Variants in TJP1 observed in about 807,000 individuals in gnomAD.
TJP1 encodes the protein tight junction protein ZO-1.
TJP1 carries 43 observed loss-of-function variants against 194.2 expected under a neutral mutation model. That is an observed-to-expected ratio of 0.22 (90% CI 0.17 to 0.29). TJP1 has a LOEUF of 0.29. Ranked by LOEUF, TJP1 falls within the 10% of genes least tolerant of loss-of-function variation. TJP1 has a pLI of 1.00. For synonymous variants in TJP1, 801 were observed against 779.0 expected (o/e 1.03, Z -0.47); for missense variants, 1,971 against 2,185.7 (o/e 0.90, Z 1.96).
intron 2 of TJP1, among the ~76,000 whole-genome samples, chr15:29,839,008 T>A (rs2152062589): frequency 7.2e-6 from 1 of 138,558 alleles, no homozygotes; most frequent in South Asian, 2.5e-4. Context: ...TTTTTTTTTT[T>A]TTTTTTTTGA....
chr15:29,850,248 C>G (rs2051588916), intron 2 of TJP1, among the ~76,000 whole-genome samples: 1 of 152,192 alleles, frequency 6.6e-6, no homozygotes, highest in Non-Finnish European at 1.5e-5. Context: ...TGAACCAGAA[C>G]CCCCTCAACT....
At chr15:29,812,031 T>C (rs1327302603) in intron 1 of TJP1, among the ~76,000 whole-genome samples, 2 of 152,374 alleles carry the variant, frequency 1.3e-5, no homozygotes, top group East Asian at 1.9e-4. Context: ...TAGCTTAGTA[T>C]GTGCTGAGCC....
upstream of TJP1, among the ~76,000 whole-genome samples, chr15:29,824,528 G>GT (rs2050620766): frequency 6.6e-6 from 1 of 151,586 alleles, no homozygotes; most frequent in African/African-American, 2.4e-5. Context: ...GAGGCCAGGA[G>GT]TTTGAGACCA....
chr15:29,844,736 A>G (rs2051347390), intron 2 of TJP1, among the ~76,000 whole-genome samples: 1 of 152,218 alleles, frequency 6.6e-6, no homozygotes, highest in Non-Finnish European at 1.5e-5. Context: ...TGTATTACAT[A>G]TCCACCTAGA....
In TJP1 at chr15:29,720,707, G is replaced by T. The variant is rs768807966; in HGVS notation, c.2414C>A (p.Ala805Glu). The T allele has an allele frequency of 1.3e-5, 20 of 1,579,802 alleles. No homozygotes were observed. Among genetic ancestry groups the T allele is most frequent in the African/African-American group, 2.7e-5 (2 of 73,420 alleles). The change falls in exon 19 of 28, where the codon GCG (alanine) becomes GAG (glutamate). Residue 805 changes from alanine to glutamate, a missense_variant and splice_region_variant. Ala to Glu is a moderately radical substitution (Grantham distance 107). This residue lies in a region of TJP1 where 402 missense variants were observed against 484.2 expected (regional missense o/e 0.83). Transcript: ENST00000614355. Reference protein sequence around the residue: ...NQLVWVSEGKADGATSDDLDL... With the variant: ...NQLVWVSEGKEDGATSDDLDL... Reference sequence around the variant, plus strand: ...AAGGTCATCACTTGTAGCACCATCCGCCTGGGTCAAATAAAAGTAAATTAC... The same window carrying T: ...AAGGTCATCACTTGTAGCACCATCCTCCTGGGTCAAATAAAAGTAAATTAC...
intron 1 of TJP1, among the ~76,000 whole-genome samples, chr15:29,958,994 T>TTG (rs369522221): frequency 0.054 from 8,126 of 151,782 alleles, 667 homozygotes; most frequent in African/African-American, 0.18. Flanking sequence ...AGTTTTTTTT[T>TTG]TTTGTTTTTT....
intron 2 of TJP1, among the ~76,000 whole-genome samples, chr15:29,869,803 T>C (rs1347611876): frequency 2.2e-4 from 27 of 120,586 alleles, no homozygotes; most frequent in African/African-American, 8.4e-4. Context: ...TTCTTTTTTT[T>C]TTTTTTTTTT....
intron 2 of TJP1, among the ~76,000 whole-genome samples, chr15:29,868,143 G>C (rs561735996): frequency 4.7e-4 from 71 of 151,848 alleles, no homozygotes; most frequent in African/African-American, 1.5e-3. Flanking sequence ...ATGATCGTTT[G>C]AGCCTATAAG....
At position 29,701,482 on chromosome 15, in the gene TJP1, T is replaced by C; in HGVS notation, c.*113A>G. 1.2e-6 allele frequency: 1 copy of C among 824,304 alleles called. No homozygotes were observed. 51.1% of individuals were successfully genotyped at this position (824,304 alleles called of 1,614,324 possible). A position where few individuals can be genotyped will look rare whatever the true frequency, so the allele number is the denominator to read the frequency against. ...TTTATCAGTTCAAACAAATGCCTCA[T>C]ACTAACAAACTGTAGTATCAACTCT... On this transcript the variant is annotated 3_prime_UTR_variant, in exon 28 of 28. Transcript: ENST00000614355.
intron 2 of TJP1, among the ~76,000 whole-genome samples, chr15:29,849,827 G>A (rs1243012928): frequency 2.0e-5 from 3 of 151,648 alleles, no homozygotes; most frequent in Non-Finnish European, 4.4e-5. Context: ...CACCTACCTC[G>A]GTCTTCCAAA....
intron 2 of TJP1, among the ~76,000 whole-genome samples, chr15:29,838,627 TG>T: frequency 6.6e-6 from 1 of 152,098 alleles, no homozygotes; most frequent in Non-Finnish European, 1.5e-5. Flanking sequence ...TGTGTGTGTG[TG>T]TGTGTGTAGT....
intron 2 of TJP1, among the ~76,000 whole-genome samples, chr15:29,852,166 C>A (rs545482746): frequency 4.4e-4 from 67 of 152,202 alleles, no homozygotes; most frequent in African/African-American, 1.4e-3. Context: ...TGCTAAAGAG[C>A]TGTGATGAGG....
intron 2 of TJP1, among the ~76,000 whole-genome samples, chr15:29,774,669 T>C (rs2151661428): frequency 6.6e-6 from 1 of 152,052 alleles, no homozygotes; most frequent in Non-Finnish European, 1.5e-5. Context: ...TGTTTTAAAA[T>C]GGACTCTGGT....
At chr15:29,715,519 G>A (rs1345544709) in intron 23 of TJP1, among the ~76,000 whole-genome samples, 8 of 152,190 alleles carry the variant, frequency 5.3e-5, no homozygotes, top group African/African-American at 1.9e-4. Flanking sequence ...AATAGTAAAT[G>A]ACAAATAGGT....
At chr15:29,758,323 G>A (rs1006125044) in intron 8 of TJP1, among the ~76,000 whole-genome samples, 15 of 151,874 alleles carry the variant, frequency 9.9e-5, no homozygotes, top group Non-Finnish European at 2.1e-4. Context: ...GCAAGCCCCA[G>A]AAGTTTGTAT....
chr15:29,740,037 G>C (rs192492540), intron 10 of TJP1, among the ~76,000 whole-genome samples: 2 of 151,466 alleles, frequency 1.3e-5, no homozygotes, highest in Non-Finnish European at 2.9e-5. Context: ...ACCCAGGCTA[G>C]AGTGCAGTGG....
chr15:29,881,835 A>T (rs1399253983), intron 2 of TJP1, among the ~76,000 whole-genome samples: 1 of 152,038 alleles, frequency 6.6e-6, no homozygotes, highest in Non-Finnish European at 1.5e-5. Flanking sequence ...AACACTACCT[A>T]TATACACCAG....
intron 2 of TJP1, among the ~76,000 whole-genome samples, chr15:29,841,231 G>A (rs1440300241): frequency 1.3e-5 from 2 of 152,142 alleles, no homozygotes; most frequent in African/African-American, 2.4e-5. Context: ...CTGAAACCCC[G>A]TGTCCTTATG....
Position 29,732,773 on chromosome 15 carries a change from T to C in TJP1, c.1779A>G (p.Thr593=). 6.2e-7 allele frequency: 1 copy of C among 1,613,922 alleles called. No individual in the cohort carries two copies. Among genetic ancestry groups the C allele is most frequent in the Non-Finnish European group, 8.5e-7 (1 of 1,179,968 alleles). ...AGAAGTCAGCACGGTCTCCGCCTGC[T>C]GTTTTTGGAAGTGTATACTGTACAC... ...LASVQYTLPK[T]AGGDRADFWR... Residue 593 remains threonine, a synonymous_variant, in exon 14 of 28, where the codon ACA becomes ACG. Transcript: ENST00000614355.
Sources: allele counts gnomAD v4.1 joint callset (sites outside exome capture counted in the v4.1 genomes callset), GRCh38; gene constraint gnomAD v4.1.1; regional missense constraint gnomAD v4.1.1; transcripts MANE v1.5; gene names NCBI Gene and HGNC (gene_info 2026-07-23, HGNC 2026-07-21).